The following CLEC12A variants were observed in gnomAD, a reference collection of about 807,000 sequenced individuals.
The protein encoded by CLEC12A is C-type lectin protein CLL-1.
In CLEC12A, 22 loss-of-function variants were observed where a neutral mutation model predicts 26.5. That is an observed-to-expected ratio of 0.83 (90% CI 0.59 to 1.19). The LOEUF is 1.19. Ranked by LOEUF, CLEC12A falls within the 50% of genes most tolerant of loss-of-function variation. The pLI is 0.00. For missense variants in CLEC12A, 353 were observed against 315.6 expected, an observed-to-expected ratio of 1.12 and a Z score of -0.90; for synonymous variants, 119 against 101.9, an observed-to-expected ratio of 1.17 and a Z score of -1.01.
rs1372141707 is a variant in CLEC12A, at chr12:9,971,586, C to T, written c.-11C>T. On this transcript the variant is annotated 5_prime_UTR_variant, in exon 1 of 6. Coordinates refer to ENST00000304361, the MANE Select transcript of CLEC12A (RefSeq NM_138337.6). ...TTTACACTTTGTCAAGATTTCTTTA[C>T]ATATTCATCAATGTCTGAAGAAGTT... is the stretch of plus-strand genomic sequence containing the variant. 2 of 1,600,204 alleles carry T rather than the reference C, an allele frequency of 1.2e-6. No homozygotes were observed. Among genetic ancestry groups the T allele is most frequent in the East Asian group, 2.3e-5 (1 of 44,182 alleles).
intron 2 of CLEC12A, 117 bp downstream of exon 2, chr12:9,979,181 G>T: frequency 1.0e-6 from 1 of 996,856 alleles, no homozygotes. Context: ...AGGCCCACAA[G>T]GAGGACTTAC....
downstream of CLEC12A, among the ~76,000 whole-genome samples, chr12:9,997,798 A>G (rs1259935143): frequency 6.6e-6 from 1 of 152,184 alleles, no homozygotes; most frequent in African/African-American, 2.4e-5. Context: ...ACAGACTTCA[A>G]TGTGCTATTG....
chr12:9,989,939 GCT>G (rs1864855529), downstream of CLEC12A, among the ~76,000 whole-genome samples: 1 of 151,862 alleles, frequency 6.6e-6, no homozygotes, highest in Non-Finnish European at 1.5e-5. Flanking sequence ...ACCTGCCAAT[GCT>G]CTATGAATGA....
At chr12:9,983,648 T>G in intron 5 of CLEC12A, 2 of 599,262 alleles carry the variant, frequency 3.3e-6, no homozygotes, top group East Asian at 5.7e-5. Context: ...GTCAACTGTG[T>G]TGAGGTGCCA....
At chr12:9,986,520 G>A (rs1027068699), downstream of CLEC12A, among the ~76,000 whole-genome samples, 2 of 150,716 alleles carry the variant, frequency 1.3e-5, no homozygotes, top group Admixed American at 6.6e-5. Context: ...TTGCATAAAA[G>A]GCAGCAAGGG....
At chr12:10,004,454 T>C in the CLEC12A span, among the ~76,000 whole-genome samples, 10 of 151,958 alleles carry the variant, frequency 6.6e-5, no homozygotes, top group Non-Finnish European at 1.2e-4. Context: ...CCTCTGGAGT[T>C]TGGCCATCCA....
chr12:9,973,356 A>G (rs1413242898), intron 1 of CLEC12A, among the ~76,000 whole-genome samples: 1 of 152,116 alleles, frequency 6.6e-6, no homozygotes, highest in Admixed American at 6.6e-5. Context: ...TGGGAGGCTG[A>G]GGAAAGAGGA....
At chr12:9,964,130 G>A (rs1863886274) in intron 1 of CLEC12A, among the ~76,000 whole-genome samples, 1 of 152,194 alleles carries the variant, frequency 6.6e-6, no homozygotes, top group South Asian at 2.1e-4. Context: ...GAGTAGAGTT[G>A]ATACAAGGAG....
chr12:9,996,963 T>C (rs748576672), downstream of CLEC12A: 2 of 1,614,102 alleles, frequency 1.2e-6, no homozygotes, highest in South Asian at 2.2e-5. Context: ...CTCCATAATA[T>C]CTCCAGTTTG....
chr12:9,993,415 A>AAAC, intron 4 of CLEC12A: 4 of 681,932 alleles, frequency 5.9e-6, no homozygotes, highest in Non-Finnish European at 9.8e-6. Context: ...ACAAAAAAAA[A>AAAC]AACGATTCTC....
intron 4 of CLEC12A, among the ~76,000 whole-genome samples, chr12:9,994,209 A>G (rs1231617734): frequency 6.6e-6 from 1 of 152,134 alleles, no homozygotes; most frequent in Admixed American, 6.6e-5. Flanking sequence ...AGAAGAAAAT[A>G]GCAAGACAAA....
chr12:9,992,873 A>G, intron 4 of CLEC12A: 4 of 346,360 alleles, frequency 1.2e-5, no homozygotes, highest in Middle Eastern at 8.3e-4. Flanking sequence ...GCAGTAAATC[A>G]TACCATGTTC....
upstream of CLEC12A, among the ~76,000 whole-genome samples, chr12:9,967,801 G>C (rs1020927793): frequency 6.6e-6 from 1 of 152,094 alleles, no homozygotes; most frequent in Non-Finnish European, 1.5e-5. Flanking sequence ...GGGGGTTCTT[G>C]CTCCCAAGAA....
chr12:9,999,092 A>G (rs1296641824), downstream of CLEC12A: 1 of 1,609,258 alleles, frequency 6.2e-7, no homozygotes, highest in South Asian at 1.1e-5. Flanking sequence ...ATCCATCTTC[A>G]TCCTGCATGG....
chr12:9,965,584 G>C (rs1315526526), intron 1 of CLEC12A, among the ~76,000 whole-genome samples: 1 of 152,058 alleles, frequency 6.6e-6, no homozygotes, highest in Non-Finnish European at 1.5e-5. Context: ...ATGGGTTGTG[G>C]AGGGAGATAT....
chr12:9,968,361 CA>C (rs1217292375), upstream of CLEC12A, among the ~76,000 whole-genome samples: 1 of 146,580 alleles, frequency 6.8e-6, no homozygotes, highest in African/African-American at 2.6e-5. Context: ...GCTGAGTCTG[CA>C]AAGAGAGTCA....
At chr12:9,996,761 A>C, downstream of CLEC12A, 1 of 1,406,018 alleles carries the variant, frequency 7.1e-7, no homozygotes, top group Non-Finnish European at 1.0e-6. Context: ...GTTAAGAAAA[A>C]TGTAAAAAAC....
intron 1 of CLEC12A, 55 bp downstream of exon 1, chr12:9,971,742 G>C: frequency 6.9e-7 from 1 of 1,439,256 alleles, no homozygotes; most frequent in Non-Finnish European, 9.5e-7. Flanking sequence ...AGTGGTTATA[G>C]ACTTGCATCT....
Position 9,985,052 on chromosome 12 carries a change from G to A in CLEC12A, c.*26G>A, listed in dbSNP as rs1864721033. 49 of 1,431,206 alleles carry A rather than the reference G, an allele frequency of 3.4e-5. No homozygotes were observed. The highest frequency in any genetic ancestry group is 4.3e-5 in the Non-Finnish European group (47 of 1,093,032). 88.7% of individuals were successfully genotyped at this position (1,431,206 alleles called of 1,614,324 possible). ...GGCATCAATCAAATACATTTAAGGA[G>A]TGTAGGGGGTGGGGGTTCTAGGCTA... On this transcript the variant is annotated 3_prime_UTR_variant, in exon 6 of 6. Coordinates refer to ENST00000304361, the MANE Select transcript of CLEC12A (RefSeq NM_138337.6).
Sources: gnomAD v4.1 joint callset for allele counts (sites outside exome capture counted in the v4.1 genomes callset) on GRCh38, gnomAD v4.1.1 for gene constraint, MANE v1.5 for transcripts, NCBI Gene and HGNC (gene_info 2026-07-23, HGNC 2026-07-21) for gene names.